The following AGTPBP1 variants were observed in gnomAD, a reference collection of about 807,000 sequenced individuals.
AGTPBP1 encodes ATP/GTP binding carboxypeptidase 1, also known as cytosolic carboxypeptidase 1.
A neutral mutation model predicts 143.9 loss-of-function variants in AGTPBP1; 70 were observed. The observed-to-expected ratio is 0.49, with a 90% confidence interval of 0.40 to 0.59. AGTPBP1 has a LOEUF of 0.59. AGTPBP1 is among the 20% of genes least tolerant of loss of function. AGTPBP1 has a pLI of 0.00. For synonymous variants in AGTPBP1, 463 were observed against 500.2 expected, an observed-to-expected ratio of 0.93 and a Z score of 0.99; for missense variants, 1,229 against 1,464.5, an observed-to-expected ratio of 0.84 and a Z score of 2.62.
intron 22 of AGTPBP1, 144 bp from the exon 23 acceptor site, chr9:85,585,738 C>A: frequency 1.6e-6 from 1 of 608,570 alleles, no homozygotes; most frequent in Non-Finnish European, 2.5e-6. Flanking sequence ...ACAATTAGAA[C>A]CAACAAAAGT....
chr9:85,741,407 C>T (rs1824260206), intron 1 of AGTPBP1: 1 of 985,276 alleles, frequency 1.0e-6, no homozygotes, highest in South Asian at 4.7e-5. Flanking sequence ...CTCGGCTGGA[C>T]TCCCCGCGGC....
At chr9:85,547,385 AATATAAGCTGC>A in intron 25 of AGTPBP1, 99 bp from the exon 26 acceptor site, 1 of 1,026,062 alleles carries the variant, frequency 9.7e-7, no homozygotes, top group Non-Finnish European at 1.3e-6. Flanking sequence ...ATTCCAATAT[AATATAAGCTGC>A]ATTAACTTTA....
intron 19 of AGTPBP1, among the ~76,000 whole-genome samples, chr9:85,591,475 G>A (rs1288005941): frequency 6.6e-6 from 1 of 152,022 alleles, no homozygotes; most frequent in East Asian, 1.9e-4. Context: ...ATGGTAGGGG[G>A]ATTGAAAGAA....
At chr9:85,584,647 A>G (rs1828489795) in intron 23 of AGTPBP1, among the ~76,000 whole-genome samples, 1 of 152,020 alleles carries the variant, frequency 6.6e-6, no homozygotes, top group South Asian at 2.1e-4. Flanking sequence ...TTTGTAGAAG[A>G]ATCTGAAAAA....
chr9:85,773,873 A>G, the AGTPBP1 span: 14 of 1,611,158 alleles, frequency 8.7e-6, no homozygotes, highest in Admixed American at 8.3e-5. Context: ...GGAAACAACA[A>G]TTATATAATG....
the AGTPBP1 span, among the ~76,000 whole-genome samples, chr9:85,787,436 A>G: frequency 6.6e-6 from 1 of 151,998 alleles, no homozygotes; most frequent in African/African-American, 2.4e-5. Context: ...AGCATCTTTA[A>G]TGATTTGATA....
At chr9:85,800,825 G>A in the AGTPBP1 span, among the ~76,000 whole-genome samples, 1 of 151,712 alleles carries the variant, frequency 6.6e-6, no homozygotes, top group South Asian at 2.1e-4. Context: ...GTGTGTGTGT[G>A]TGTGTGTGTG....
chr9:85,665,362 A>C (rs1834070891), intron 8 of AGTPBP1, among the ~76,000 whole-genome samples: 1 of 152,142 alleles, frequency 6.6e-6, no homozygotes, highest in African/African-American at 2.4e-5. Context: ...AGCTAGGAAG[A>C]AGCAAGGAAG....
Position 85,687,785 on chromosome 9 carries a change from G to A in AGTPBP1, c.157+4904C>T, listed in dbSNP as rs554944493. 2.6e-5 allele frequency among the ~76,000 whole-genome samples: 4 copies of A among 152,096 alleles called. No individual in the cohort carries two copies. The South Asian group carries it at 8.3e-4, about 32-fold the overall frequency. On this transcript the variant is annotated intron_variant, in intron 3 of 25. Transcript: ENST00000357081. ...TAAAGGTCTCAAAATAAATAATCTAGGCTTCCACTGTAAGAAAATGGCGGC... is the reference window on the plus strand; with the variant it reads ...TAAAGGTCTCAAAATAAATAATCTAAGCTTCCACTGTAAGAAAATGGCGGC...
intron 13 of AGTPBP1, among the ~76,000 whole-genome samples, chr9:85,640,946 A>G (rs189980176): frequency 2.2e-3 from 336 of 152,336 alleles, no homozygotes; most frequent in African/African-American, 7.7e-3. Context: ...TAAATGGAAA[A>G]GTACAGAAAT....
the AGTPBP1 span, among the ~76,000 whole-genome samples, chr9:85,750,847 C>G: frequency 6.6e-6 from 1 of 152,202 alleles, no homozygotes; most frequent in African/African-American, 2.4e-5. Context: ...TAAGCCCCTA[C>G]TGAGGCTACT....
In AGTPBP1 at chr9:85,709,894, T is replaced by C. The variant is rs371694357; in HGVS notation, c.32+2608A>G. ...TGCTTCTTTGATTTAAATTGCCACC[T>C]ACTGCCATGGGTCTTTAAATCTGCC... On this transcript the variant is annotated intron_variant, in intron 2 of 25. Transcript: ENST00000357081. Among the ~76,000 whole-genome samples the C allele has an allele frequency of 1.6e-3, 240 of 152,314 alleles. 12 individuals carry two copies. The South Asian group carries it at 0.048, about 30-fold the overall frequency.
intron 3 of AGTPBP1, among the ~76,000 whole-genome samples, chr9:85,691,670 A>C (rs1013828868): frequency 5.9e-5 from 9 of 152,078 alleles, no homozygotes; most frequent in African/African-American, 1.7e-4. Context: ...TTATAGTGAT[A>C]TATTTCCTGG....
At chr9:85,681,671 T>C (rs1835183807) in intron 3 of AGTPBP1, among the ~76,000 whole-genome samples, 1 of 151,338 alleles carries the variant, frequency 6.6e-6, no homozygotes, top group African/African-American at 2.4e-5. Context: ...TGAGTAGAAC[T>C]AGAAAATTGT....
At chr9:85,729,688 A>C (rs952763402) in intron 1 of AGTPBP1, among the ~76,000 whole-genome samples, 2 of 151,986 alleles carry the variant, frequency 1.3e-5, no homozygotes, top group African/African-American at 4.8e-5. Flanking sequence ...TCAATAGCAA[A>C]AAAAAAAAGA....
At chr9:85,652,740 C>T (rs1833246100) in intron 11 of AGTPBP1, among the ~76,000 whole-genome samples, 2 of 152,148 alleles carry the variant, frequency 1.3e-5, no homozygotes, top group Admixed American at 6.5e-5. Context: ...AGCAAATTAT[C>T]AAACTTCAGG....
At chr9:85,628,128 ATACTT>A (rs1226984307) in intron 14 of AGTPBP1, among the ~76,000 whole-genome samples, 1 of 152,240 alleles carries the variant, frequency 6.6e-6, no homozygotes, top group African/African-American at 2.4e-5. Flanking sequence ...TTAAATAAAA[ATACTT>A]TATTTTTTGT....
intron 9 of AGTPBP1, among the ~76,000 whole-genome samples, chr9:85,660,601 T>A (rs1272292070): frequency 6.6e-6 from 1 of 152,136 alleles, no homozygotes; most frequent in Non-Finnish European, 1.5e-5. Flanking sequence ...TAGTAAAAGT[T>A]CAATACCATG....
At chr9:85,741,272 C>T (rs887469591) in intron 1 of AGTPBP1, 1 of 985,338 alleles carries the variant, frequency 1.0e-6, no homozygotes, top group African/African-American at 1.7e-5. Context: ...GCAAATCCCA[C>T]CTTGCTGGCG....
Sources: gnomAD v4.1 joint callset for allele counts (sites outside exome capture counted in the v4.1 genomes callset) on GRCh38, gnomAD v4.1.1 for gene constraint, MANE v1.5 for transcripts, NCBI Gene and HGNC (gene_info 2026-07-23, HGNC 2026-07-21) for gene names.